The following NEK4 variants were observed in gnomAD, a reference collection of about 807,000 sequenced individuals.
The protein encoded by NEK4 is serine/threonine-protein kinase Nek4.
A neutral mutation model predicts 98.4 loss-of-function variants in NEK4; 86 were observed. The ratio of observed to expected loss-of-function variants is 0.87; its 90% confidence interval spans 0.73 to 1.05. NEK4 has a LOEUF of 1.05. Among genes scored for constraint, NEK4 ranks in the 50% least tolerant of loss-of-function variants. The pLI, the probability that NEK4 is intolerant of heterozygous loss-of-function variation, is 0.00. For synonymous variants in NEK4, 328 were observed against 342.2 expected, an observed-to-expected ratio of 0.96 and a Z score of 0.46; for missense variants, 898 against 950.3, an observed-to-expected ratio of 0.94 and a Z score of 0.72.
chr3:52,721,273 A>T (rs530145188), intron 15 of NEK4, among the ~76,000 whole-genome samples: 1 of 152,240 alleles, frequency 6.6e-6, no homozygotes, highest in Non-Finnish European at 1.5e-5. Flanking sequence ...CAGATATAGA[A>T]GCAGGAAACC....
chr3:52,769,425 C>T (rs1337438567), intron 1 of NEK4, among the ~76,000 whole-genome samples: 1 of 152,150 alleles, frequency 6.6e-6, no homozygotes, highest in Non-Finnish European at 1.5e-5. Flanking sequence ...AAATCAATAG[C>T]CTCTAATACC....
chr3:52,753,180 T>A (rs1317949617), intron 6 of NEK4, among the ~76,000 whole-genome samples: 1 of 152,050 alleles, frequency 6.6e-6, no homozygotes, highest in Non-Finnish European at 1.5e-5. Flanking sequence ...GGCAAGTGCC[T>A]GTAGTCCCAG....
intron 6 of NEK4, among the ~76,000 whole-genome samples, chr3:52,757,461 G>C (rs1386538771): frequency 2.0e-5 from 3 of 151,980 alleles, no homozygotes; most frequent in African/African-American, 4.8e-5. Context: ...GGGAGGCTGA[G>C]GCAGGAGAAT....
rs142145070 is a variant in NEK4, at chr3:52,752,434, T to C, written c.964-98A>G. ...AAGAGGTTCCTCAAAAAGTTAAACA[T>C]AGAATTAACATATGACTCAGCAATT... On this transcript the variant is annotated intron_variant, in intron 6 of 15. Coordinates refer to ENST00000233027, the MANE Select transcript of NEK4 (RefSeq NM_003157.6). 1.1e-3 allele frequency: 1,258 copies of C among 1,171,194 alleles called. 1 individual carries two copies. The highest frequency in any genetic ancestry group is 1.4e-3 in the Non-Finnish European group (1,125 of 826,632). 72.6% of individuals were successfully genotyped at this position (1,171,194 alleles called of 1,614,324 possible).
chr3:52,713,659 T>C (rs1356862147), intron 15 of NEK4, among the ~76,000 whole-genome samples: 2 of 152,024 alleles, frequency 1.3e-5, no homozygotes, highest in South Asian at 2.1e-4. Context: ...CCGGGCATGG[T>C]GGCGCATGCC....
chr3:52,760,558 T>C (rs1341132832), intron 6 of NEK4, among the ~76,000 whole-genome samples: 3 of 152,202 alleles, frequency 2.0e-5, no homozygotes, highest in Non-Finnish European at 4.4e-5. Context: ...TTATATAAAT[T>C]TCACCTAAAA....
intron 6 of NEK4, among the ~76,000 whole-genome samples, chr3:52,757,555 C>CAAAAAAA (rs541943769): frequency 1.2e-4 from 9 of 72,160 alleles, no homozygotes; most frequent in Non-Finnish European, 1.9e-4. Context: ...GACTCCGTCT[C>CAAAAAAA]AAAAAAAAAA....
chr3:52,744,370 A>G, intron 10 of NEK4, 65 bp from the exon 11 acceptor site: 1 of 1,165,744 alleles, frequency 8.6e-7, no homozygotes, highest in Admixed American at 1.7e-5. Context: ...CCTACAATCC[A>G]TGATGTATCA....
intron 13 of NEK4, among the ~76,000 whole-genome samples, chr3:52,740,857 T>C (rs997902700): frequency 2.0e-5 from 3 of 151,860 alleles, no homozygotes; most frequent in African/African-American, 7.3e-5. Context: ...ATCAGTGAGC[T>C]GTGGCACATA....
intron 6 of NEK4, among the ~76,000 whole-genome samples, chr3:52,758,355 A>ACAC (rs1263426231): frequency 6.6e-6 from 1 of 152,090 alleles, no homozygotes; most frequent in Non-Finnish European, 1.5e-5. Flanking sequence ...GATGTATTTA[A>ACAC]CACCACTAAA....
chr3:52,719,197 C>A (rs1410415965), intron 15 of NEK4, among the ~76,000 whole-genome samples: 7 of 152,196 alleles, frequency 4.6e-5, no homozygotes, highest in Admixed American at 3.9e-4. Context: ...TTGGACTCTG[C>A]AAGCAGCAAG....
In NEK4 at chr3:52,770,666, C is replaced by T; in HGVS notation, c.81G>A (p.Arg27=). The T allele has an allele frequency of 6.4e-7, 1 of 1,561,078 alleles. No individual in the cohort carries two copies. Among genetic ancestry groups the T allele is most frequent in the South Asian group, 1.2e-5 (1 of 84,802 alleles). ...CACCCCTGCAGACCTGCTTGCCGTC[C>T]CGCCGGTGCTTCACAAGCGTCACCT... The part of the protein sequence containing the change: ...YGEVTLVKHR[R]DGKQYVIKKL... The change falls in exon 1 of 16, where the codon CGG becomes CGA. Residue 27 remains arginine, a synonymous_variant. Transcript: ENST00000233027.
At chr3:52,756,373 A>G (rs1381835109) in intron 6 of NEK4, among the ~76,000 whole-genome samples, 1 of 152,226 alleles carries the variant, frequency 6.6e-6, no homozygotes, top group Non-Finnish European at 1.5e-5. Context: ...TTATCAAAAC[A>G]GTGTAGTATT....
chr3:52,714,473 C>T (rs924057833), intron 15 of NEK4, among the ~76,000 whole-genome samples: 1 of 152,184 alleles, frequency 6.6e-6, no homozygotes, highest in Non-Finnish European at 1.5e-5. Context: ...AAGCAGCTGA[C>T]CAGGCCACGC....
chr3:52,768,234 T>A (rs1361864606), intron 2 of NEK4, 104 bp downstream of exon 2: 1 of 1,054,356 alleles, frequency 9.5e-7, no homozygotes, highest in Non-Finnish European at 1.4e-6. Context: ...TTCCAAAAAA[T>A]ACATTTCTAT....
intron 4 of NEK4, among the ~76,000 whole-genome samples, chr3:52,764,675 C>T (rs1348122777): frequency 1.3e-5 from 2 of 151,946 alleles, no homozygotes; most frequent in East Asian, 1.9e-4. Flanking sequence ...GGATGTGTTC[C>T]TCATATATTA....
intron 15 of NEK4, among the ~76,000 whole-genome samples, chr3:52,724,001 G>A (rs1001043925): frequency 5.3e-5 from 8 of 152,128 alleles, no homozygotes; most frequent in East Asian, 1.9e-4. Flanking sequence ...GGGAGGCCAC[G>A]GCGGGTGGAT....
At chr3:52,732,662 G>A (rs756964967) in intron 15 of NEK4, 2 of 326,960 alleles carry the variant, frequency 6.1e-6, no homozygotes, top group Non-Finnish European at 1.2e-5. Flanking sequence ...CCTGCACAGA[G>A]GGCTTTATAC....
Position 52,739,463 on chromosome 3 carries a change from C to T in NEK4, c.2265G>A (p.Glu755=), listed in dbSNP as rs1432895773. 6.2e-7 allele frequency: 1 copy of T among 1,614,150 alleles called. No individual in the cohort carries two copies. Among genetic ancestry groups the T allele is most frequent in the Admixed American group, 1.7e-5 (1 of 60,010 alleles). The change falls in exon 14 of 16, where the codon GAG becomes GAA. Residue 755 remains glutamate (E), a synonymous_variant. Transcript: ENST00000233027. ...GCTCTTTAAAATGGATTTCCTCTGC[C>T]TCTTCTGCAACCTTCCCATGAAGTA... ...TLILHGKVAE[E]AEEIHFKELP...
Sources: gnomAD v4.1 joint callset for allele counts (sites outside exome capture counted in the v4.1 genomes callset) on GRCh38, gnomAD v4.1.1 for gene constraint, MANE v1.5 for transcripts, NCBI Gene and HGNC (gene_info 2026-07-23, HGNC 2026-07-21) for gene names.